FGF14: variants seen among roughly 807,000 people sequenced by gnomAD.
FGF14 encodes the protein fibroblast growth factor homologous factor 4.
Under a neutral mutation model 25.5 loss-of-function variants are expected in FGF14, and 5 were observed. The observed-to-expected ratio is 0.20, with a 90% CI of 0.10 to 0.41. FGF14 has a LOEUF of 0.41. Among genes scored for constraint, FGF14 ranks in the 10% least tolerant of loss-of-function variants. FGF14 has a pLI of 1.00. For missense variants in FGF14, 222 were observed against 320.1 expected (o/e 0.69, Z 2.34); for synonymous variants, 138 against 118.3 (o/e 1.17, Z -1.08).
chr13:102,131,119 G>A (rs189690185), intron 1 of FGF14, among the ~76,000 whole-genome samples: 1 of 152,266 alleles, frequency 6.6e-6, no homozygotes, highest in East Asian at 1.9e-4. Flanking sequence ...TCCCCTCATA[G>A]ACATGAATTC....
At chr13:102,122,799 A>G (rs1339866195) in intron 1 of FGF14, among the ~76,000 whole-genome samples, 1 of 152,192 alleles carries the variant, frequency 6.6e-6, no homozygotes, top group African/African-American at 2.4e-5. Flanking sequence ...TATTTTAAAT[A>G]CTTCATATTT....
intron 1 of FGF14, among the ~76,000 whole-genome samples, chr13:101,957,059 A>G (rs1304302198): frequency 6.6e-6 from 1 of 152,186 alleles, no homozygotes; most frequent in African/African-American, 2.4e-5. Flanking sequence ...CTGCTTCATG[A>G]ATGCAGATGC....
At chr13:102,083,261 T>G (rs559567331) in intron 1 of FGF14, among the ~76,000 whole-genome samples, 5 of 152,346 alleles carry the variant, frequency 3.3e-5, no homozygotes, top group African/African-American at 9.6e-5. Context: ...CTTCATGGTC[T>G]CTCTGTTCCA....
rs373647602 is a variant in FGF14, at chr13:101,830,609, C to T, written c.408+38116G>A. On this transcript the variant is annotated intron_variant, in intron 3 of 4. Coordinates refer to ENST00000376143, the MANE Select transcript of FGF14 (RefSeq NM_004115.4). ...TAGCCCTTTGATCCTAAGTAAGTCA[C>T]TTTCTCTCTCTGTGACTCATTTTCC... 1.2e-4 allele frequency among the ~76,000 whole-genome samples: 19 copies of T among 152,194 alleles called. 1 individual carries two copies. In the East Asian group the frequency reaches 1.7e-3, roughly 14 times the overall value.
At chr13:102,153,012 G>C (rs1397057737) in intron 1 of FGF14, among the ~76,000 whole-genome samples, 1 of 152,132 alleles carries the variant, frequency 6.6e-6, no homozygotes, top group Non-Finnish European at 1.5e-5. Context: ...GCACAGCTTG[G>C]GTGGAGCTGC....
intron 1 of FGF14, among the ~76,000 whole-genome samples, chr13:102,316,491 A>T (rs749171604): frequency 6.6e-6 from 1 of 152,234 alleles, no homozygotes; most frequent in Non-Finnish European, 1.5e-5. Flanking sequence ...AAAAGGGAGG[A>T]TATCTTGCAC....
intron 1 of FGF14, among the ~76,000 whole-genome samples, chr13:102,025,344 GTCTT>G (rs1331950856): frequency 1.3e-5 from 2 of 151,990 alleles, no homozygotes; most frequent in African/African-American, 2.4e-5. Context: ...AACATGGGAT[GTCTT>G]TCTATTTATA....
intron 1 of FGF14, among the ~76,000 whole-genome samples, chr13:102,140,109 G>A (rs897157295): frequency 6.8e-6 from 1 of 147,960 alleles, no homozygotes; most frequent in African/African-American, 2.5e-5. Context: ...TGGTGACAGA[G>A]TAGTAAGATT....
chr13:101,945,378 AT>A (rs1026912697), intron 1 of FGF14, among the ~76,000 whole-genome samples: 1 of 152,346 alleles, frequency 6.6e-6, no homozygotes. Context: ...TAAGAAAAAA[AT>A]AATTGAATAA....
At chr13:102,175,405 C>G (rs9513990) in intron 1 of FGF14, among the ~76,000 whole-genome samples, 8,326 of 152,148 alleles carry the variant, frequency 0.055, 310 homozygotes, top group Non-Finnish European at 0.083. Flanking sequence ...AAGAACAAAA[C>G]TGGACTCCTA....
chr13:102,362,792 G>T (rs1426274762), intron 1 of FGF14, among the ~76,000 whole-genome samples: 1 of 144,944 alleles, frequency 6.9e-6, no homozygotes, highest in Non-Finnish European at 1.5e-5. Flanking sequence ...CATTTCTAAA[G>T]TCCATACAAG....
rs566311151 is a variant in FGF14, at chr13:102,320,983, T to C, written c.208+80488A>G. Among the ~76,000 whole-genome samples the C allele has an allele frequency of 3.3e-5, 5 of 152,264 alleles. No homozygotes were observed. In the East Asian group the frequency reaches 9.7e-4, roughly 29 times the overall value. On this transcript the variant is annotated intron_variant, in intron 1 of 4. Coordinates refer to the FGF14 transcript ENST00000376131. ...AAAATAGCCTCTCTCTAATATGGGC[T>C]CAATTTATAACCTGGGTAGCTGGTA...
At chr13:101,833,141 G>T (rs2042759825) in intron 3 of FGF14, among the ~76,000 whole-genome samples, 1 of 151,902 alleles carries the variant, frequency 6.6e-6, no homozygotes, top group Non-Finnish European at 1.5e-5. Context: ...AGGAGGTAGG[G>T]TCTCTCCATG....
intron 1 of FGF14, among the ~76,000 whole-genome samples, chr13:102,263,571 A>G (rs1204555068): frequency 5.9e-5 from 9 of 152,216 alleles, no homozygotes; most frequent in African/African-American, 2.2e-4. Flanking sequence ...ACATATACTT[A>G]GTTCACTTTT....
At chr13:102,325,559 C>T (rs1394383275) in intron 1 of FGF14, among the ~76,000 whole-genome samples, 1 of 152,154 alleles carries the variant, frequency 6.6e-6, no homozygotes, top group Non-Finnish European at 1.5e-5. Flanking sequence ...GGAATTCTAT[C>T]GTCTGGAGTG....
intron 1 of FGF14, among the ~76,000 whole-genome samples, chr13:102,238,284 C>T (rs2051421443): frequency 6.6e-6 from 1 of 152,166 alleles, no homozygotes; most frequent in African/African-American, 2.4e-5. Context: ...CAAAATAAAA[C>T]AGGTTGCAAC....
chr13:101,954,191 G>A (rs552825032), intron 1 of FGF14, among the ~76,000 whole-genome samples: 36 of 151,930 alleles, frequency 2.4e-4, no homozygotes, highest in Admixed American at 1.7e-3. Context: ...CAGAGAAGCC[G>A]AGATGTCAGA....
intron 3 of FGF14, among the ~76,000 whole-genome samples, chr13:101,786,498 G>A (rs1490320765): frequency 6.6e-6 from 1 of 152,148 alleles, no homozygotes; most frequent in Non-Finnish European, 1.5e-5. Flanking sequence ...GGAAGTCTAA[G>A]TGTTGGCAAG....
At chr13:101,824,163 C>T (rs1418317582) in intron 3 of FGF14, among the ~76,000 whole-genome samples, 1 of 152,052 alleles carries the variant, frequency 6.6e-6, no homozygotes, top group African/African-American at 2.4e-5. Context: ...TTTTTTTTAA[C>T]ACTTTAATGA....
Sources: gnomAD v4.1 joint callset for allele counts (sites outside exome capture counted in the v4.1 genomes callset) on GRCh38, gnomAD v4.1.1 for gene constraint, MANE v1.5 for transcripts, NCBI Gene and HGNC (gene_info 2026-07-23, HGNC 2026-07-21) for gene names.